DIS3L2: variants seen among roughly 807,000 people sequenced by gnomAD.
DIS3L2 encodes the protein DIS3 like 3'-5' exoribonuclease 2, also known as DIS3-like exonuclease 2.
A neutral mutation model predicts 97.5 loss-of-function variants in DIS3L2; 34 were observed. That is an observed-to-expected ratio of 0.35 (90% CI 0.27 to 0.46). The LOEUF (loss-of-function observed/expected upper bound fraction) is 0.46, where lower values mean the gene tolerates loss of function less well. Ranked by LOEUF, DIS3L2 falls within the 20% of genes least tolerant of loss-of-function variation. The pLI is 1.00. For synonymous variants in DIS3L2, 435 were observed against 445.2 expected, an observed-to-expected ratio of 0.98 and a Z score of 0.29; for missense variants, 1,038 against 1,146.0, an observed-to-expected ratio of 0.91 and a Z score of 1.36.
At position 232,336,554 on chromosome 2, in the gene DIS3L2, G is replaced by A; in HGVS notation, c.2582G>A (p.Gly861Asp). Residue 861 changes from glycine (G) to aspartate (D), a missense_variant, in exon 21 of 21, where the codon GGC becomes GAC. This residue lies in a region of DIS3L2 where 221 missense variants were observed against 246.9 expected (regional missense o/e 0.90). Coordinates refer to ENST00000325385, the MANE Select transcript of DIS3L2 (RefSeq NM_152383.5). ...TACAGCGCCATCCTGAAGCGGCCAG[G>A]CACCCAGGGCCACCTGGGCCCTGAG... is the stretch of plus-strand genomic sequence containing the variant. Reference protein sequence around the residue: ...LKYSAILKRPGTQGHLGPEKE... With the variant: ...LKYSAILKRPDTQGHLGPEKE... 6.2e-7 allele frequency: 1 copy of A among 1,609,708 alleles called. No homozygotes were observed. Among genetic ancestry groups the A allele is most frequent in the Non-Finnish European group, 8.5e-7 (1 of 1,179,954 alleles).
chr2:232,061,265 CTT>C (rs746146258), intron 5 of DIS3L2, among the ~76,000 whole-genome samples: 1 of 152,172 alleles, frequency 6.6e-6, no homozygotes, highest in Non-Finnish European at 1.5e-5. Flanking sequence ...TAAAGAGACT[CTT>C]TTGTCTCTTT....
At chr2:232,062,320 T>C (rs1026071809) in intron 5 of DIS3L2, among the ~76,000 whole-genome samples, 1 of 152,116 alleles carries the variant, frequency 6.6e-6, no homozygotes, top group African/African-American at 2.4e-5. Flanking sequence ...GTAGGCCTCT[T>C]GAAGGGAGAG....
At chr2:232,182,436 A>G (rs1574930784) in intron 9 of DIS3L2, among the ~76,000 whole-genome samples, 1 of 152,098 alleles carries the variant, frequency 6.6e-6, no homozygotes, top group South Asian at 2.1e-4. Flanking sequence ...GTTAGATCTA[A>G]TTGATTTATA....
chr2:232,340,098 G>A (rs537456187), downstream of DIS3L2, among the ~76,000 whole-genome samples: 13 of 152,258 alleles, frequency 8.5e-5, no homozygotes, highest in South Asian at 2.1e-4. Flanking sequence ...GCAGAGTAGC[G>A]CGCTCCTGCT....
chr2:232,187,591 C>T (rs570308689), intron 9 of DIS3L2, among the ~76,000 whole-genome samples: 104 of 152,038 alleles, frequency 6.8e-4, no homozygotes, highest in African/African-American at 2.1e-3. Context: ...TACAGGTGCG[C>T]GCCACCATGC....
At chr2:232,038,916 C>T (rs888669958) in intron 5 of DIS3L2, among the ~76,000 whole-genome samples, 2 of 152,176 alleles carry the variant, frequency 1.3e-5, no homozygotes, top group African/African-American at 4.8e-5. Context: ...ATTTCTAGGT[C>T]ATAAAATTAG....
intron 9 of DIS3L2, 120 bp from the exon 10 acceptor site, chr2:232,210,206 T>C (rs1210230722): frequency 1.4e-6 from 1 of 722,036 alleles, no homozygotes; most frequent in African/African-American, 1.8e-5. Flanking sequence ...GTAGAAGTTA[T>C]TTTTCACTTT....
rs532125231 is a variant in DIS3L2 at position 232,268,312 on chromosome 2, A to C, written c.1659+4872A>C. Among the ~76,000 whole-genome samples the C allele has an allele frequency of 1.3e-5, 2 of 152,160 alleles. No homozygotes were observed. Among genetic ancestry groups the C allele is most frequent in the Non-Finnish European group, 2.9e-5 (2 of 68,034 alleles). ...ACCCAAACTGCAGGCAGTTTCTTTG[A>C]GTGGACTTGATTGTAAAGATAGCCT... On this transcript the variant is annotated intron_variant, in intron 13 of 20. Coordinates refer to ENST00000325385, the MANE Select transcript of DIS3L2 (RefSeq NM_152383.5). The surrounding 1 kb of genome is among the most constrained non-coding windows in gnomAD (Gnocchi z 4.1).
intron 9 of DIS3L2, among the ~76,000 whole-genome samples, chr2:232,168,507 CT>C (rs59078351): frequency 0.92 from 140,255 of 151,854 alleles, 64,834 homozygotes; most frequent in East Asian, 1. Flanking sequence ...AGCCAGTTGC[CT>C]TTTTTTTTGC....
chr2:232,038,127 G>A (rs1695004216), intron 5 of DIS3L2, among the ~76,000 whole-genome samples: 3 of 152,128 alleles, frequency 2.0e-5, no homozygotes, highest in African/African-American at 7.2e-5. Flanking sequence ...GCTAAAGGCT[G>A]GCTTCATGTT....
At chr2:232,181,781 C>T (rs577966703) in intron 9 of DIS3L2, among the ~76,000 whole-genome samples, 311 of 152,044 alleles carry the variant, frequency 2.0e-3, no homozygotes, top group Non-Finnish European at 3.5e-3. Flanking sequence ...GGGATACAGG[C>T]GTGCATCATC....
intron 11 of DIS3L2, among the ~76,000 whole-genome samples, chr2:232,241,649 A>T (rs550797229): frequency 1.3e-5 from 2 of 152,284 alleles, no homozygotes; most frequent in South Asian, 4.1e-4. Context: ...TCAGGAAAAA[A>T]CTTTTTGACA....
At chr2:232,257,825 GGTTT>G (rs1559178292) in intron 12 of DIS3L2, among the ~76,000 whole-genome samples, 1 of 152,134 alleles carries the variant, frequency 6.6e-6, no homozygotes, top group Non-Finnish European at 1.5e-5. Context: ...AGACATACTT[GGTTT>G]ATTTTACTTC....
intron 13 of DIS3L2, among the ~76,000 whole-genome samples, chr2:232,295,996 C>G (rs777977558): frequency 1.3e-5 from 2 of 152,200 alleles, no homozygotes; most frequent in African/African-American, 2.4e-5. Context: ...ATCCAGGGCT[C>G]TCTTATCCCT....
At chr2:232,182,258 A>G (rs1410706406) in intron 9 of DIS3L2, among the ~76,000 whole-genome samples, 1 of 152,072 alleles carries the variant, frequency 6.6e-6, no homozygotes, top group South Asian at 2.1e-4. Flanking sequence ...TCTTTATGCT[A>G]TTAATTTCTA....
At chr2:232,333,755 C>CGAAATATGCGG in intron 16 of DIS3L2, 85 bp from the exon 17 acceptor site, 1 of 1,488,976 alleles carries the variant, frequency 6.7e-7, no homozygotes, top group Non-Finnish European at 8.9e-7. Flanking sequence ...TCGCTGCCGA[C>CGAAATATGCGG]GGTGAGGCTG....
chr2:232,205,065 A>T (rs2106211427), intron 9 of DIS3L2, among the ~76,000 whole-genome samples: 1 of 152,026 alleles, frequency 6.6e-6, no homozygotes, highest in Admixed American at 6.5e-5. Flanking sequence ...TGCTGTCAAG[A>T]GGTTCGTTCT....
intron 5 of DIS3L2, among the ~76,000 whole-genome samples, chr2:232,059,370 A>G (rs749509595): frequency 3.9e-5 from 6 of 152,232 alleles, no homozygotes; most frequent in Non-Finnish European, 7.3e-5. Context: ...CCACTGTACT[A>G]TCACAAGGCT....
intron 5 of DIS3L2, among the ~76,000 whole-genome samples, chr2:232,072,477 G>A (rs1008060371): frequency 2.0e-5 from 3 of 152,140 alleles, no homozygotes. Context: ...TGTCAGAGAC[G>A]AGGTCGGAGG....
Sources: allele counts gnomAD v4.1 joint callset (sites outside exome capture counted in the v4.1 genomes callset), GRCh38; gene constraint gnomAD v4.1.1; regional missense constraint gnomAD v4.1.1; non-coding constraint Gnocchi (gnomAD v3.1); transcripts MANE v1.5; gene names NCBI Gene and HGNC (gene_info 2026-07-23, HGNC 2026-07-21).